The following SDCCAG8 variants were observed in gnomAD, a reference collection of about 807,000 sequenced individuals.
The protein encoded by SDCCAG8 is SHH signaling and ciliogenesis regulator SDCCAG8.
Under a neutral mutation model 101.8 loss-of-function variants are expected in SDCCAG8, and 74 were observed. The observed-to-expected ratio is 0.73, with a 90% CI of 0.60 to 0.88. The LOEUF (loss-of-function observed/expected upper bound fraction) is 0.88, where lower values mean the gene tolerates loss of function less well. Ranked by LOEUF, SDCCAG8 falls within the 40% of genes least tolerant of loss-of-function variation. The pLI, the probability that SDCCAG8 is intolerant of heterozygous loss-of-function variation, is 0.00. For synonymous variants in SDCCAG8, 281 were observed against 292.9 expected (o/e 0.96, Z 0.41); for missense variants, 787 against 822.6 (o/e 0.96, Z 0.53).
At position 243,368,419 on chromosome 1, in the gene SDCCAG8, TA is replaced by T. The variant is rs567415054; in HGVS notation, c.1474-10299del. On this transcript the variant is annotated intron_variant, in intron 12 of 17. Coordinates refer to ENST00000366541, the MANE Select transcript of SDCCAG8 (RefSeq NM_006642.5). Reference sequence around the variant, plus strand: ...ACAAACATTATAAGACCATCATATTTAAATGTCCCAATATAGCATTTTATAG... The same window carrying T: ...ACAAACATTATAAGACCATCATATTTAATGTCCCAATATAGCATTTTATAG... Among the ~76,000 whole-genome samples, 286 of 152,302 alleles carry T rather than the reference TA, an allele frequency of 1.9e-3. 1 individual carries two copies. In the South Asian group the frequency reaches 0.02, roughly 11 times the overall value.
chr1:243,467,067 A>C (rs1660301355), intron 16 of SDCCAG8, among the ~76,000 whole-genome samples: 1 of 152,224 alleles, frequency 6.6e-6, no homozygotes, highest in Non-Finnish European at 1.5e-5. Context: ...CCTGGGGGGC[A>C]CCTTGTGCCC....
chr1:243,269,036 G>A (rs918524209), intron 1 of SDCCAG8: 1 of 152,934 alleles, frequency 6.5e-6, no homozygotes, highest in Non-Finnish European at 1.5e-5. Flanking sequence ...CTTTCTTCAT[G>A]GGGTCTCAGG....
Position 243,415,838 on chromosome 1 carries a change from T to C in SDCCAG8, c.1744+9T>C, listed in dbSNP as rs2148013630. 1.2e-6 allele frequency: 2 copies of C among 1,612,616 alleles called. No homozygotes were observed. Among genetic ancestry groups the C allele is most frequent in the Non-Finnish European group, 1.7e-6 (2 of 1,179,394 alleles). On this transcript the variant is annotated intron_variant, in intron 14 of 17. Coordinates refer to ENST00000366541, the MANE Select transcript of SDCCAG8 (RefSeq NM_006642.5). ...CCAGCATGACAAAACTGGTAGGTGG[T>C]AGGGAAAGATTAGAGCCTGGGCACT...
chr1:243,496,546 CA>C (rs1462248876), intron 17 of SDCCAG8, among the ~76,000 whole-genome samples: 1 of 152,010 alleles, frequency 6.6e-6, no homozygotes, highest in Non-Finnish European at 1.5e-5. Context: ...GAGCGGACAG[CA>C]GGGGGGGAAG....
At chr1:243,394,708 C>A (rs1006318028) in intron 13 of SDCCAG8, among the ~76,000 whole-genome samples, 1 of 152,172 alleles carries the variant, frequency 6.6e-6, no homozygotes, top group Non-Finnish European at 1.5e-5. Flanking sequence ...TTCCATCCTA[C>A]GTCCATATGC....
chr1:243,464,536 A>G, intron 16 of SDCCAG8, among the ~76,000 whole-genome samples: 1 of 152,254 alleles, frequency 6.6e-6, no homozygotes, highest in East Asian at 1.9e-4. Flanking sequence ...AATCAAATTA[A>G]TACACATTAT....
intron 16 of SDCCAG8, among the ~76,000 whole-genome samples, chr1:243,480,787 G>A (rs1403569650): frequency 8.0e-6 from 1 of 124,570 alleles, no homozygotes; most frequent in Non-Finnish European, 1.7e-5. Context: ...ATGGATGGAT[G>A]GGTGGGATGG....
chr1:243,413,187 A>G (rs1207336167), intron 13 of SDCCAG8, among the ~76,000 whole-genome samples: 1 of 152,104 alleles, frequency 6.6e-6, no homozygotes, highest in Admixed American at 6.6e-5. Context: ...GTTCTTTTCT[A>G]TAGTCAATTT....
At chr1:243,419,308 T>A (rs920683474) in intron 15 of SDCCAG8, among the ~76,000 whole-genome samples, 1 of 152,090 alleles carries the variant, frequency 6.6e-6, no homozygotes, top group Non-Finnish European at 1.5e-5. Flanking sequence ...GAAAACCAAA[T>A]GATTTTGTCA....
intron 9 of SDCCAG8, among the ~76,000 whole-genome samples, chr1:243,317,427 T>G (rs1424704927): frequency 6.6e-6 from 1 of 151,972 alleles, no homozygotes; most frequent in Non-Finnish European, 1.5e-5. Context: ...TTCAAGTGAT[T>G]CTCCTGCCTC....
chr1:243,375,695 G>A (rs888591302), intron 12 of SDCCAG8, among the ~76,000 whole-genome samples: 1 of 152,168 alleles, frequency 6.6e-6, no homozygotes, highest in Admixed American at 6.5e-5. Flanking sequence ...TGCTTTGAGA[G>A]TAATGTACAA....
chr1:243,477,740 G>A (rs559783296), intron 16 of SDCCAG8, among the ~76,000 whole-genome samples: 3 of 152,318 alleles, frequency 2.0e-5, no homozygotes, highest in African/African-American at 7.2e-5. Flanking sequence ...CCTTGGCCAT[G>A]GGCCCATTCA....
At chr1:243,415,228 G>T in intron 13 of SDCCAG8, among the ~76,000 whole-genome samples, 1 of 152,130 alleles carries the variant, frequency 6.6e-6, no homozygotes, top group East Asian at 1.9e-4. Context: ...TCATTTACTC[G>T]CCTCTAGATA....
intron 10 of SDCCAG8, among the ~76,000 whole-genome samples, chr1:243,331,432 G>A (rs1279903050): frequency 6.6e-6 from 1 of 152,196 alleles, no homozygotes; most frequent in Non-Finnish European, 1.5e-5. Flanking sequence ...CAGATTCAAT[G>A]TGTGATAATT....
intron 12 of SDCCAG8, among the ~76,000 whole-genome samples, chr1:243,374,546 T>C (rs1170123276): frequency 6.6e-6 from 1 of 152,116 alleles, no homozygotes; most frequent in Non-Finnish European, 1.5e-5. Flanking sequence ...GAATAGTTCT[T>C]AAAAATCCTG....
intron 13 of SDCCAG8, among the ~76,000 whole-genome samples, chr1:243,385,289 C>A (rs1301323493): frequency 2.0e-5 from 3 of 152,096 alleles, no homozygotes; most frequent in Non-Finnish European, 4.4e-5. Flanking sequence ...GCTCTGGAGG[C>A]TGAGGTGGGA....
intron 16 of SDCCAG8, among the ~76,000 whole-genome samples, chr1:243,455,931 A>G (rs72759886): frequency 0.032 from 4,831 of 152,308 alleles, 115 homozygotes; most frequent in South Asian, 0.084. Context: ...TTGGTTGGGC[A>G]TCGCTGTGGC....
At chr1:243,363,396 C>T (rs1029741361) in intron 12 of SDCCAG8, among the ~76,000 whole-genome samples, 1 of 152,150 alleles carries the variant, frequency 6.6e-6, no homozygotes, top group African/African-American at 2.4e-5. Flanking sequence ...GGAAATCGGG[C>T]ATGGATGGCT....
chr1:243,267,731 T>G, intron 1 of SDCCAG8: 1 of 799,724 alleles, frequency 1.3e-6, no homozygotes, highest in South Asian at 1.3e-5. Context: ...TGGTAATTGT[T>G]CAAATCTTGG....
Sources: gnomAD v4.1 joint callset for allele counts (sites outside exome capture counted in the v4.1 genomes callset) on GRCh38, gnomAD v4.1.1 for gene constraint, MANE v1.5 for transcripts, NCBI Gene and HGNC (gene_info 2026-07-23, HGNC 2026-07-21) for gene names.